The following TBXAS1 variants were observed in gnomAD, a reference collection of about 807,000 sequenced individuals.
TBXAS1 encodes the protein thromboxane-A synthase.
TBXAS1 carries 48 observed loss-of-function variants against 60.7 expected under a neutral mutation model. That is an observed-to-expected ratio of 0.79 (90% CI 0.63 to 1.01). TBXAS1 has a LOEUF of 1.01. TBXAS1 is among the 50% of genes least tolerant of loss of function. The probability of loss-of-function intolerance (pLI) is 0.00; values close to 1 mark genes in which losing one functional copy is unlikely to be tolerated. For missense variants in TBXAS1, 685 were observed against 686.3 expected (o/e 1.00, Z 0.02); for synonymous variants, 287 against 269.7 (o/e 1.06, Z -0.63).
chr7:139,830,763 A>G (rs1179575763), intron 1 of TBXAS1, among the ~76,000 whole-genome samples: 1 of 152,130 alleles, frequency 6.6e-6, no homozygotes, highest in Non-Finnish European at 1.5e-5. Context: ...TATGTAACCT[A>G]AAAGAAAATA....
intron 1 of TBXAS1, among the ~76,000 whole-genome samples, chr7:139,842,203 C>T (rs561282154): frequency 9.2e-5 from 14 of 152,188 alleles, no homozygotes; most frequent in Non-Finnish European, 1.3e-4. Context: ...TACCTTCTCT[C>T]GTCTAGTAAG....
intron 5 of TBXAS1, among the ~76,000 whole-genome samples, chr7:139,938,770 T>A (rs1808018930): frequency 6.6e-6 from 1 of 151,768 alleles, no homozygotes; most frequent in South Asian, 2.1e-4. Context: ...ACCTCATGTG[T>A]GAAAAAGAAA....
chr7:139,940,564 C>G (rs1808208076), intron 5 of TBXAS1, among the ~76,000 whole-genome samples: 1 of 152,114 alleles, frequency 6.6e-6, no homozygotes, highest in Non-Finnish European at 1.5e-5. Flanking sequence ...TGTTGGTCCC[C>G]TCTCTGACCA....
At chr7:139,920,582 G>A (rs1163231478) in intron 4 of TBXAS1, among the ~76,000 whole-genome samples, 1 of 152,216 alleles carries the variant, frequency 6.6e-6, no homozygotes, top group East Asian at 1.9e-4. Flanking sequence ...AAGTCAAGCA[G>A]CCTAACGTGA....
At chr7:139,886,241 G>C (rs1222906696) in intron 3 of TBXAS1, among the ~76,000 whole-genome samples, 2 of 152,044 alleles carry the variant, frequency 1.3e-5, no homozygotes, top group South Asian at 2.1e-4. Flanking sequence ...CCCTCAAGCT[G>C]CAAGAATTTT....
chr7:139,926,954 C>T (rs966698864), intron 4 of TBXAS1, among the ~76,000 whole-genome samples: 2 of 151,702 alleles, frequency 1.3e-5, no homozygotes, highest in Non-Finnish European at 2.9e-5. Flanking sequence ...CAAAATTCCT[C>T]TTCTTATTGA....
At chr7:139,815,881 G>A (rs528650082) in intron 4 of TBXAS1, among the ~76,000 whole-genome samples, 1 of 152,306 alleles carries the variant, frequency 6.6e-6, no homozygotes, top group East Asian at 1.9e-4. Flanking sequence ...TCAATCCTCA[G>A]AGAGGGTTGG....
chr7:139,836,913 T>C (rs568764194), intron 1 of TBXAS1, among the ~76,000 whole-genome samples: 26 of 152,200 alleles, frequency 1.7e-4, no homozygotes, highest in African/African-American at 6.3e-4. Context: ...AATCTATACA[T>C]CTGACCAAGG....
At chr7:139,888,919 G>A (rs1404516826) in intron 3 of TBXAS1, among the ~76,000 whole-genome samples, 4 of 138,674 alleles carry the variant, frequency 2.9e-5, no homozygotes, top group Admixed American at 1.5e-4. Flanking sequence ...GCAGGGGGAG[G>A]ATGGAATTGA....
intron 5 of TBXAS1, among the ~76,000 whole-genome samples, chr7:139,941,866 C>G (rs1253213702): frequency 6.6e-6 from 1 of 152,216 alleles, no homozygotes; most frequent in African/African-American, 2.4e-5. Flanking sequence ...TAGTACTTCT[C>G]TGACGGAAAA....
chr7:139,870,136 G>C (rs551508052), intron 1 of TBXAS1, among the ~76,000 whole-genome samples: 3 of 152,198 alleles, frequency 2.0e-5, no homozygotes, highest in Non-Finnish European at 2.9e-5. Flanking sequence ...GTTTGTGGTG[G>C]TGTCCAGGAC....
intron 5 of TBXAS1, among the ~76,000 whole-genome samples, chr7:139,940,862 T>A (rs1808233259): frequency 6.6e-6 from 1 of 152,146 alleles, no homozygotes; most frequent in Non-Finnish European, 1.5e-5. Flanking sequence ...TTTCTACCTA[T>A]TCTGCCTAAG....
intron 3 of TBXAS1, among the ~76,000 whole-genome samples, chr7:139,903,191 G>A (rs1029704229): frequency 1.3e-5 from 2 of 152,032 alleles, no homozygotes; most frequent in African/African-American, 4.8e-5. Context: ...TGAGAACATA[G>A]GATGTTTGGT....
At chr7:139,862,956 G>C (rs1045506456) in intron 1 of TBXAS1, among the ~76,000 whole-genome samples, 3 of 152,172 alleles carry the variant, frequency 2.0e-5, no homozygotes, top group Non-Finnish European at 2.9e-5. Context: ...GTGAATAACG[G>C]CACTTGTCTG....
At chr7:139,907,403 T>G (rs1805189585) in intron 3 of TBXAS1, among the ~76,000 whole-genome samples, 1 of 152,172 alleles carries the variant, frequency 6.6e-6, no homozygotes, top group Non-Finnish European at 1.5e-5. Context: ...ATAAGTCTTT[T>G]TATATAGTGC....
chr7:139,840,484 T>G (rs1026667727), intron 1 of TBXAS1, among the ~76,000 whole-genome samples: 1 of 152,196 alleles, frequency 6.6e-6, no homozygotes, highest in African/African-American at 2.4e-5. Flanking sequence ...TAAAGAAACC[T>G]GTTCAGCTTT....
At chr7:139,836,501 C>A (rs1386392933) in intron 1 of TBXAS1, among the ~76,000 whole-genome samples, 1 of 152,024 alleles carries the variant, frequency 6.6e-6, no homozygotes, top group Admixed American at 6.6e-5. Context: ...TAGAGAACCA[C>A]AAATAAACCC....
At chr7:139,853,115 T>C (rs1800340515) in intron 1 of TBXAS1, among the ~76,000 whole-genome samples, 1 of 151,868 alleles carries the variant, frequency 6.6e-6, no homozygotes, top group Admixed American at 6.5e-5. Context: ...GAGGAGATAA[T>C]GACAGATTTA....
intron 9 of TBXAS1, among the ~76,000 whole-genome samples, chr7:139,993,944 G>C (rs1336601448): frequency 6.8e-6 from 1 of 147,624 alleles, no homozygotes; most frequent in African/African-American, 2.5e-5. Flanking sequence ...ACCCAGGCTG[G>C]AGGGCAGTGG....
Sources: gnomAD v4.1 joint callset for allele counts (sites outside exome capture counted in the v4.1 genomes callset) on GRCh38, gnomAD v4.1.1 for gene constraint, MANE v1.5 for transcripts, NCBI Gene and HGNC (gene_info 2026-07-23, HGNC 2026-07-21) for gene names.